Variants in SUSD6 observed in about 807,000 individuals in gnomAD.
The protein encoded by SUSD6 is sushi domain containing 6, also known as sushi domain-containing protein 6.
Under a neutral mutation model 28.4 loss-of-function variants are expected in SUSD6, and 16 were observed. The ratio of observed to expected loss-of-function variants is 0.56; its 90% confidence interval spans 0.38 to 0.86. The LOEUF (loss-of-function observed/expected upper bound fraction) is 0.86. SUSD6 is among the 40% of genes least tolerant of loss of function. SUSD6 has a pLI of 0.00. For missense variants in SUSD6, 341 were observed against 384.2 expected, an observed-to-expected ratio of 0.89 and a Z score of 0.94; for synonymous variants, 147 against 159.6, an observed-to-expected ratio of 0.92 and a Z score of 0.59.
At chr14:69,648,206 G>C (rs551779073) in intron 1 of SUSD6, among the ~76,000 whole-genome samples, 18 of 152,274 alleles carry the variant, frequency 1.2e-4, no homozygotes, top group Non-Finnish European at 2.6e-4. Context: ...ATCCCTGTGA[G>C]ATAGGCATTA....
intron 1 of SUSD6, among the ~76,000 whole-genome samples, chr14:69,654,790 GGTGTGTGTGTGT>G (rs34122510): frequency 2.0e-5 from 2 of 98,986 alleles, no homozygotes; most frequent in Non-Finnish European, 4.0e-5. Flanking sequence ...TTTTTTTTTT[GGTGTGTGTGTGT>G]GTGTGTGTGT....
chr14:69,668,386 G>T (rs746677029), intron 2 of SUSD6, among the ~76,000 whole-genome samples: 1 of 152,184 alleles, frequency 6.6e-6, no homozygotes, highest in Non-Finnish European at 1.5e-5. Flanking sequence ...TGTAATCCCA[G>T]CACTTTGGGA....
At chr14:69,646,446 A>G (rs1885427137) in intron 1 of SUSD6, among the ~76,000 whole-genome samples, 1 of 152,146 alleles carries the variant, frequency 6.6e-6, no homozygotes, top group Non-Finnish European at 1.5e-5. Context: ...CTCCAGGGCT[A>G]CATCACTCCA....
At chr14:69,614,428 T>C (rs933839261) in intron 1 of SUSD6, among the ~76,000 whole-genome samples, 4 of 152,210 alleles carry the variant, frequency 2.6e-5, no homozygotes, top group African/African-American at 9.6e-5. Context: ...TTTGCTCTTT[T>C]GGTGGGGCAG....
At chr14:69,696,700 T>C (rs1256927973) in intron 2 of SUSD6, among the ~76,000 whole-genome samples, 1 of 152,202 alleles carries the variant, frequency 6.6e-6, no homozygotes, top group African/African-American at 2.4e-5. Flanking sequence ...ACTCCTTCAC[T>C]GAGACTGTGC....
intron 1 of SUSD6, among the ~76,000 whole-genome samples, chr14:69,613,783 G>A (rs1297276000): frequency 6.6e-6 from 1 of 152,232 alleles, no homozygotes; most frequent in Admixed American, 6.5e-5. Context: ...TTTGGATACT[G>A]TAGTAGAAAT....
At position 69,697,204 on chromosome 14, in the gene SUSD6, A is replaced by C. The variant is rs550175942; in HGVS notation, c.122-6191A>C. On this transcript the variant is annotated intron_variant, in intron 2 of 5. Transcript: ENST00000342745. The stretch of plus-strand genomic sequence containing the variant: ...GCATTATAATTAGCATATAATGAGC[A>C]GTGAGGACACCGGAGGTCACTTTCG... Among the ~76,000 whole-genome samples, 51 of 152,304 alleles carry C rather than the reference A, an allele frequency of 3.3e-4. 1 individual carries two copies. In the South Asian group the frequency reaches 0.01, roughly 31 times the overall value.
intron 2 of SUSD6, among the ~76,000 whole-genome samples, chr14:69,698,390 C>T (rs1886257506): frequency 6.6e-6 from 1 of 152,182 alleles, no homozygotes; most frequent in South Asian, 2.1e-4. Flanking sequence ...TCCTACTCAA[C>T]CCTAATCCCT....
At chr14:69,675,028 GT>G (rs1885886666) in intron 2 of SUSD6, among the ~76,000 whole-genome samples, 2 of 152,074 alleles carry the variant, frequency 1.3e-5, no homozygotes, top group Admixed American at 6.6e-5. Flanking sequence ...CCCTGACTCT[GT>G]TTCTCATTTC....
chr14:69,692,737 C>G (rs1886170221), intron 2 of SUSD6, among the ~76,000 whole-genome samples: 1 of 152,092 alleles, frequency 6.6e-6, no homozygotes, highest in African/African-American at 2.4e-5. Flanking sequence ...GAAATGAAAC[C>G]ACAATTTTGG....
chr14:69,646,620 C>T (rs1167436665), intron 1 of SUSD6, among the ~76,000 whole-genome samples: 3 of 151,690 alleles, frequency 2.0e-5, no homozygotes, highest in Non-Finnish European at 4.4e-5. Flanking sequence ...GCTTATTCAC[C>T]TGTATTCTTT....
At chr14:69,658,302 A>G (rs932818897) in intron 1 of SUSD6, among the ~76,000 whole-genome samples, 5 of 152,110 alleles carry the variant, frequency 3.3e-5, no homozygotes, top group Non-Finnish European at 7.4e-5. Flanking sequence ...GACAGAGCTC[A>G]CCTCCTGGCT....
chr14:69,658,630 T>C lies in SUSD6; in HGVS notation c.38T>C (p.Val13Ala). ...AGGATAGCACCAAAGAGCACCTCAG[T>C]GTTTGCCGTGGCCTCCGTGGGACAT... ...HGRIAPKSTSVFAVASVGHGV... is the reference protein window; with the variant it reads ...HGRIAPKSTSAFAVASVGHGV... Residue 13 changes from valine to alanine, a missense_variant, in exon 2 of 6, where the codon GTG becomes GCG. Coordinates refer to ENST00000342745, the MANE Select transcript of SUSD6 (RefSeq NM_014734.4). 1 of 1,614,168 alleles carries C rather than the reference T, an allele frequency of 6.2e-7. No homozygotes were observed.
At chr14:69,630,916 C>T (rs1885183834) in intron 1 of SUSD6, among the ~76,000 whole-genome samples, 1 of 152,198 alleles carries the variant, frequency 6.6e-6, no homozygotes, top group South Asian at 2.1e-4. Flanking sequence ...GTAAAGAGGA[C>T]TCTGAGAGTT....
chr14:69,629,721 G>T (rs559978224), intron 1 of SUSD6, among the ~76,000 whole-genome samples: 1 of 152,334 alleles, frequency 6.6e-6, no homozygotes, highest in South Asian at 2.1e-4. Flanking sequence ...GCTTCTTGCC[G>T]TGAGGCTGGG....
chr14:69,679,450 C>G (rs1885965899), intron 2 of SUSD6, among the ~76,000 whole-genome samples: 1 of 152,134 alleles, frequency 6.6e-6, no homozygotes, highest in African/African-American at 2.4e-5. Flanking sequence ...GTGTAACACA[C>G]AAATTCTTTG....
Position 69,669,062 on chromosome 14 carries a change from C to CT in SUSD6, c.121+10369dup, listed in dbSNP as rs58962166. 9.9e-3 allele frequency among the ~76,000 whole-genome samples: 770 copies of CT among 77,970 alleles called. 14 individuals carry two copies. The highest frequency in any genetic ancestry group is 0.021 in the East Asian group (59 of 2,872). The allele number at this position is 77,970 out of a possible 152,430, so 51.2% of individuals were successfully genotyped here. Reference sequence around the variant, plus strand: ...TCAAGTATTTTTTTTCTTTTCTTTTCTTTTTTTTTTTTTTTTTTTTGAGAC... The same window carrying CT: ...TCAAGTATTTTTTTTCTTTTCTTTTCTTTTTTTTTTTTTTTTTTTTTGAGAC... On this transcript the variant is annotated intron_variant, in intron 2 of 5. Transcript: ENST00000342745.
chr14:69,696,812 G>A (rs946101926), intron 2 of SUSD6, among the ~76,000 whole-genome samples: 5 of 152,196 alleles, frequency 3.3e-5, no homozygotes, highest in Non-Finnish European at 5.9e-5. Flanking sequence ...AACCGGAAAG[G>A]GGTCCAGATT....
chr14:69,621,168 C>A lies in SUSD6; in HGVS notation c.-81+9340C>A, dbSNP rs570997995. On this transcript the variant is annotated intron_variant, in intron 1 of 5. Coordinates refer to ENST00000342745, the MANE Select transcript of SUSD6 (RefSeq NM_014734.4). ...CTGATCCACTTCCTTGTACCCCCTCCTGGATTAATTGGATGATTAATAAAT... is the reference window on the plus strand; with the variant it reads ...CTGATCCACTTCCTTGTACCCCCTCATGGATTAATTGGATGATTAATAAAT... Among the ~76,000 whole-genome samples, 40 of 152,222 alleles carry A rather than the reference C, an allele frequency of 2.6e-4. No individual in the cohort carries two copies. The South Asian group carries it at 7.7e-3, about 29-fold the overall frequency.
Sources: gnomAD v4.1 joint callset for allele counts (sites outside exome capture counted in the v4.1 genomes callset) on GRCh38, gnomAD v4.1.1 for gene constraint, MANE v1.5 for transcripts, NCBI Gene and HGNC (gene_info 2026-07-23, HGNC 2026-07-21) for gene names.